COLEC12: variants seen among roughly 807,000 people sequenced by gnomAD.
The protein encoded by COLEC12 is collectin-12.
COLEC12 carries 33 observed loss-of-function variants against 71.1 expected under a neutral mutation model. That is an observed-to-expected ratio of 0.46 (90% CI 0.35 to 0.62). The LOEUF (loss-of-function observed/expected upper bound fraction) is 0.62, where lower values mean the gene tolerates loss of function less well. Ranked by LOEUF, COLEC12 falls within the 20% of genes least tolerant of loss-of-function variation. COLEC12 has a pLI of 0.00. For synonymous variants in COLEC12, 350 were observed against 353.0 expected (o/e 0.99, Z 0.10); for missense variants, 765 against 916.1 (o/e 0.84, Z 2.13).
chr18:367,768 C>G (rs1339567543), intron 2 of COLEC12, among the ~76,000 whole-genome samples: 1 of 152,182 alleles, frequency 6.6e-6, no homozygotes, highest in Non-Finnish European at 1.5e-5. Flanking sequence ...GACGACCATC[C>G]CTGTCACTAG....
chr18:327,747 T>A lies in COLEC12; in HGVS notation c.2063+3921A>T, dbSNP rs1047356954. On this transcript the variant is annotated intron_variant, in intron 8 of 9. Transcript: ENST00000400256. This position sits in a 1 kb window ranked among gnomAD's most constrained non-coding sequence, Gnocchi z 4.0. ...CTGTTTTAAAAGGATTTCACGCGTG[T>A]TGGGAGAAAAGAATAAGGGGAAAGC... is the stretch of plus-strand genomic sequence containing the variant. Among the ~76,000 whole-genome samples the A allele has an allele frequency of 1.1e-4, 17 of 152,204 alleles. No individual in the cohort carries two copies. Among genetic ancestry groups the A allele is most frequent in the African/African-American group, 3.9e-4 (16 of 41,444 alleles).
At chr18:322,183 G>A (rs554821) in intron 8 of COLEC12, among the ~76,000 whole-genome samples, 27,189 of 109,510 alleles carry the variant, frequency 0.25, 2,977 homozygotes, top group East Asian at 0.44. Context: ...TATTCATTAT[G>A]AGGACATGAT....
At chr18:484,155 C>T (rs541195904) in intron 1 of COLEC12, among the ~76,000 whole-genome samples, 3 of 152,286 alleles carry the variant, frequency 2.0e-5, no homozygotes, top group South Asian at 4.1e-4. Context: ...TGTTTGTTTT[C>T]GTTTCCCTCT....
intron 2 of COLEC12, among the ~76,000 whole-genome samples, chr18:426,643 T>C (rs951668996): frequency 1.3e-5 from 2 of 152,210 alleles, no homozygotes; most frequent in Non-Finnish European, 2.9e-5. Context: ...AAATAAATCT[T>C]TGACACATGT....
chr18:371,005 A>T (rs1914986390), intron 2 of COLEC12, among the ~76,000 whole-genome samples: 1 of 152,240 alleles, frequency 6.6e-6, no homozygotes, highest in African/African-American at 2.4e-5. Context: ...AATACAATGA[A>T]GTCTGGACTT....
At chr18:423,404 T>C (rs1197813918) in intron 2 of COLEC12, among the ~76,000 whole-genome samples, 1 of 152,250 alleles carries the variant, frequency 6.6e-6, no homozygotes, top group African/African-American at 2.4e-5. Flanking sequence ...AAAATATGTA[T>C]TATTTTCTTC....
At chr18:357,113 G>A (rs1914643826) in intron 3 of COLEC12, among the ~76,000 whole-genome samples, 1 of 152,146 alleles carries the variant, frequency 6.6e-6, no homozygotes, top group Non-Finnish European at 1.5e-5. Flanking sequence ...AGAGGAAGAA[G>A]GAGTAGCTAG....
chr18:435,766 C>A (rs984520646), intron 2 of COLEC12, among the ~76,000 whole-genome samples: 1 of 152,156 alleles, frequency 6.6e-6, no homozygotes, highest in African/African-American at 2.4e-5. Flanking sequence ...TAGCCTTTTA[C>A]ACATAAGTTG....
In COLEC12 at chr18:448,746, C is replaced by T. The variant is rs981882708; in HGVS notation, c.58+31961G>A. 2.0e-5 allele frequency among the ~76,000 whole-genome samples: 3 copies of T among 152,068 alleles called. No homozygotes were observed. In the East Asian group the frequency reaches 5.8e-4, roughly 29 times the overall value. ...GAAAATGATCAAAAGGAATTTGTGGCAAGAATTTTTTTGAACAGATCCTTT... is the reference window on the plus strand; with the variant it reads ...GAAAATGATCAAAAGGAATTTGTGGTAAGAATTTTTTTGAACAGATCCTTT... On this transcript the variant is annotated intron_variant, in intron 2 of 9. Coordinates refer to ENST00000400256, the MANE Select transcript of COLEC12 (RefSeq NM_130386.3).
intron 2 of COLEC12, among the ~76,000 whole-genome samples, chr18:465,726 C>A (rs1808117279): frequency 1.3e-5 from 2 of 152,158 alleles, no homozygotes; most frequent in Admixed American, 1.3e-4. Context: ...TAAATTCAAG[C>A]AAGGGTACTA....
intron 6 of COLEC12, 100 bp downstream of exon 6, chr18:334,642 A>G: frequency 8.6e-7 from 1 of 1,157,416 alleles, no homozygotes; most frequent in Non-Finnish European, 1.1e-6. Flanking sequence ...CAAAAACAAA[A>G]ACAAAAATAA....
chr18:454,486 A>T (rs1916825818), intron 2 of COLEC12, among the ~76,000 whole-genome samples: 1 of 152,236 alleles, frequency 6.6e-6, no homozygotes, highest in African/African-American at 2.4e-5. Context: ...GTTCAAGACC[A>T]GCCTGGCCAA....
At chr18:498,516 C>T (rs1037351034) in intron 1 of COLEC12, among the ~76,000 whole-genome samples, 1 of 151,890 alleles carries the variant, frequency 6.6e-6, no homozygotes, top group African/African-American at 2.4e-5. Context: ...CCTGCCACCA[C>T]GCCCAGCTAA....
chr18:437,757 G>C (rs981833057), intron 2 of COLEC12, among the ~76,000 whole-genome samples: 53 of 152,300 alleles, frequency 3.5e-4, no homozygotes, highest in African/African-American at 1.2e-3. Context: ...ATGACAATAG[G>C]TTGCGTTAAG....
chr18:436,110 G>A (rs1916398112), intron 2 of COLEC12, among the ~76,000 whole-genome samples: 1 of 152,202 alleles, frequency 6.6e-6, no homozygotes. Context: ...CTTGCTTCTT[G>A]GTCAAGTGAA....
chr18:499,374 T>A (rs1201249790), intron 1 of COLEC12, among the ~76,000 whole-genome samples: 1 of 152,172 alleles, frequency 6.6e-6, no homozygotes, highest in Non-Finnish European at 1.5e-5. Flanking sequence ...TGGTAGGATA[T>A]CATCGCTCCG....
At chr18:375,275 C>T (rs1040078502) in intron 2 of COLEC12, among the ~76,000 whole-genome samples, 3 of 152,204 alleles carry the variant, frequency 2.0e-5, no homozygotes, top group African/African-American at 7.2e-5. Flanking sequence ...GGCCTCCTCA[C>T]CAGGCCTCGA....
At chr18:359,721 T>G (rs1168264839) in intron 2 of COLEC12, among the ~76,000 whole-genome samples, 1 of 152,220 alleles carries the variant, frequency 6.6e-6, no homozygotes, top group East Asian at 1.9e-4. Context: ...GGAGATTCCC[T>G]GTTTTCCTGA....
At chr18:373,799 C>T (rs1485525491) in intron 2 of COLEC12, among the ~76,000 whole-genome samples, 2 of 151,960 alleles carry the variant, frequency 1.3e-5, no homozygotes. Context: ...CACAGATATA[C>T]TTGGTGCACA....
Sources: allele counts gnomAD v4.1 joint callset (sites outside exome capture counted in the v4.1 genomes callset), GRCh38; gene constraint gnomAD v4.1.1; non-coding constraint Gnocchi (gnomAD v3.1); transcripts MANE v1.5; gene names NCBI Gene and HGNC (gene_info 2026-07-23, HGNC 2026-07-21).